Variants in CDH23 observed in about 807,000 individuals in gnomAD.
CDH23 encodes the protein cadherin related 23, also known as cadherin-23.
CDH23 carries 189 observed loss-of-function variants against 317.1 expected under a neutral mutation model. The observed-to-expected ratio is 0.60, with a 90% CI of 0.53 to 0.67. CDH23 has a LOEUF of 0.67. Among genes scored for constraint, CDH23 ranks in the 30% least tolerant of loss-of-function variants. The probability of loss-of-function intolerance (pLI) is 0.00; values close to 1 mark genes in which losing one functional copy is unlikely to be tolerated. For missense variants in CDH23, 4,401 were observed against 4,592.4 expected (o/e 0.96, Z 1.20); for synonymous variants, 1,839 against 1,876.8 (o/e 0.98, Z 0.52).
intron 8 of CDH23, among the ~76,000 whole-genome samples, chr10:71,577,598 C>T (rs529535591): frequency 6.6e-6 from 1 of 152,184 alleles, no homozygotes; most frequent in Non-Finnish European, 1.5e-5. Context: ...GAGCTTGAGA[C>T]CAGATCTCTT....
chr10:71,618,979 G>T (rs2132524221), intron 11 of CDH23, among the ~76,000 whole-genome samples: 1 of 152,324 alleles, frequency 6.6e-6, no homozygotes, highest in East Asian at 1.9e-4. Flanking sequence ...GGGGAGCCAA[G>T]TATAACCCAT....
chr10:71,531,606 C>A (rs1855378421), intron 6 of CDH23, among the ~76,000 whole-genome samples: 1 of 152,126 alleles, frequency 6.6e-6, no homozygotes, highest in Non-Finnish European at 1.5e-5. Context: ...CCCTTCCCAG[C>A]CCTAGGGTAG....
chr10:71,398,697 G>C (rs897340626), intron 1 of CDH23, among the ~76,000 whole-genome samples: 10 of 152,130 alleles, frequency 6.6e-5, no homozygotes, highest in African/African-American at 2.4e-4. Context: ...CTGCCAAGGA[G>C]GAGCTGGGAA....
intron 34 of CDH23, among the ~76,000 whole-genome samples, chr10:71,734,969 G>C (rs1839516569): frequency 6.6e-6 from 1 of 152,252 alleles, no homozygotes; most frequent in Non-Finnish European, 1.5e-5. Flanking sequence ...CGATGGCTGT[G>C]TGACACAGGC....
At chr10:71,491,942 C>A (rs936861835) in intron 3 of CDH23, among the ~76,000 whole-genome samples, 3 of 152,136 alleles carry the variant, frequency 2.0e-5, no homozygotes, top group Non-Finnish European at 4.4e-5. Flanking sequence ...TGCCAGCAAC[C>A]CAGGGAGGTC....
chr10:71,632,185 A>G (rs1862044919), intron 11 of CDH23, among the ~76,000 whole-genome samples: 1 of 152,232 alleles, frequency 6.6e-6, no homozygotes, highest in Non-Finnish European at 1.5e-5. Flanking sequence ...CCATCCCCCA[A>G]AAAGGATGAA....
intron 11 of CDH23, among the ~76,000 whole-genome samples, chr10:71,624,179 C>T (rs1385827484): frequency 2.0e-5 from 3 of 152,196 alleles, no homozygotes; most frequent in Non-Finnish European, 2.9e-5. Flanking sequence ...TCCACGGACT[C>T]GGTTCCGGCA....
chr10:71,792,036 T>A (rs561706351), intron 47 of CDH23, among the ~76,000 whole-genome samples: 1 of 152,200 alleles, frequency 6.6e-6, no homozygotes, highest in African/African-American at 2.4e-5. Context: ...AGATTTGGCT[T>A]ACCAGATTTT....
rs369188108 is a variant in CDH23 at position 71,734,251 on chromosome 10, A to G, written c.4116A>G (p.Thr1372=). 2.5e-6 allele frequency: 4 copies of G among 1,610,464 alleles called. No homozygotes were observed. In the African/African-American group the frequency reaches 5.3e-5, roughly 22 times the overall value. The part of the protein sequence containing the change: ...FKIDAITGVI[T]VQGLVDREKG... Reference sequence around the variant, plus strand: ...CCCCTTCCCTGCAGGGTGTGATCACAGTCCAGGGCCTGGTGGACCGTGAGA... The same window carrying G: ...CCCCTTCCCTGCAGGGTGTGATCACGGTCCAGGGCCTGGTGGACCGTGAGA... The change falls in exon 33 of 70, where the codon ACA becomes ACG. Residue 1372 remains threonine, a synonymous_variant. Transcript: ENST00000224721.
At chr10:71,682,382 C>T in intron 17 of CDH23, 63 bp from the exon 18 acceptor site, 2 of 1,585,318 alleles carry the variant, frequency 1.3e-6, no homozygotes, top group Non-Finnish European at 8.6e-7. Flanking sequence ...AAAGGGGACC[C>T]CTGTCTGGAC....
At chr10:71,578,976 C>A (rs61853874) in intron 9 of CDH23, among the ~76,000 whole-genome samples, 5,002 of 152,298 alleles carry the variant, frequency 0.033, 130 homozygotes, top group Middle Eastern at 0.071. Flanking sequence ...ATGGAGTCTA[C>A]TGTGCCATGT....
intron 38 of CDH23, among the ~76,000 whole-genome samples, chr10:71,742,817 A>G (rs1297534702): frequency 1.3e-5 from 2 of 152,236 alleles, no homozygotes; most frequent in African/African-American, 4.8e-5. Flanking sequence ...GAGTAAAACA[A>G]TAACCACATA....
chr10:71,741,657 T>C, intron 37 of CDH23, 37 bp from the exon 38 acceptor site: 2 of 1,558,932 alleles, frequency 1.3e-6, no homozygotes, highest in Non-Finnish European at 1.7e-6. Context: ...CCCAATGCCT[T>C]GAGTCCAGAA....
At chr10:71,806,768 G>T (rs1841741673) in intron 57 of CDH23, among the ~76,000 whole-genome samples, 1 of 152,098 alleles carries the variant, frequency 6.6e-6, no homozygotes, top group African/African-American at 2.4e-5. Flanking sequence ...GTAGAGACGG[G>T]TTTTTGCCAT....
In CDH23 at chr10:71,461,159, C is replaced by T. The variant is rs575901649; in HGVS notation, c.145+14764C>T. Reference sequence around the variant, plus strand: ...TGCTCCCTCCACCCCTGCAGCCACACAGTATTCTAGGGGACCATCAGGAGA... The same window carrying T: ...TGCTCCCTCCACCCCTGCAGCCACATAGTATTCTAGGGGACCATCAGGAGA... On this transcript the variant is annotated intron_variant, in intron 3 of 69. Coordinates refer to ENST00000224721, the MANE Select transcript of CDH23 (RefSeq NM_022124.6). 6.4e-4 allele frequency among the ~76,000 whole-genome samples: 98 copies of T among 152,358 alleles called. 1 individual carries two copies. Among genetic ancestry groups the T allele is most frequent in the African/African-American group, 2.2e-3 (91 of 41,592 alleles).
chr10:71,574,057 G>A (rs551050730), intron 8 of CDH23, among the ~76,000 whole-genome samples: 59 of 152,152 alleles, frequency 3.9e-4, no homozygotes, highest in Admixed American at 3.3e-3. Context: ...CCCAGGCCGG[G>A]CCCAGGCTGA....
At chr10:71,636,121 A>G (rs1162268778) in intron 11 of CDH23, among the ~76,000 whole-genome samples, 2 of 152,048 alleles carry the variant, frequency 1.3e-5, no homozygotes, top group Non-Finnish European at 2.9e-5. Context: ...AGATAAAGAG[A>G]GAAACAAGCA....
chr10:71,446,949 G>A (rs998852653), intron 3 of CDH23, among the ~76,000 whole-genome samples: 1 of 152,188 alleles, frequency 6.6e-6, no homozygotes, highest in African/African-American at 2.4e-5. Flanking sequence ...TCAGGAAACT[G>A]AGGCTGAATT....
intron 12 of CDH23, 82 bp downstream of exon 12, chr10:71,643,948 A>G (rs1310295388): frequency 4.0e-6 from 3 of 758,132 alleles, no homozygotes; most frequent in Non-Finnish European, 7.3e-6. Context: ...TGAAAAGGGC[A>G]CAGCTCAGCC....
Sources: allele counts gnomAD v4.1 joint callset (sites outside exome capture counted in the v4.1 genomes callset), GRCh38; gene constraint gnomAD v4.1.1; transcripts MANE v1.5; gene names NCBI Gene and HGNC (gene_info 2026-07-23, HGNC 2026-07-21).